The following LIMA1 variants were observed in gnomAD, a reference collection of about 807,000 sequenced individuals.
LIMA1 encodes LIM domain and actin binding 1, also known as LIM domain and actin-binding protein 1.
In LIMA1, 52 loss-of-function variants were observed where a neutral mutation model predicts 62.6. The observed-to-expected ratio is 0.83, with a 90% confidence interval of 0.67 to 1.05. The LOEUF is 1.05. Among genes scored for constraint, LIMA1 ranks in the 50% least tolerant of loss-of-function variants. LIMA1 has a pLI of 0.00. For synonymous variants in LIMA1, 302 were observed against 317.8 expected (o/e 0.95, Z 0.53); for missense variants, 780 against 902.2 (o/e 0.86, Z 1.74).
At position 50,222,389 on chromosome 12, in the gene LIMA1, C is replaced by G. The variant is rs1941459702; in HGVS notation, c.262G>C (p.Asp88His). 1.2e-6 allele frequency: 2 copies of G among 1,614,148 alleles called. No homozygotes were observed. The highest frequency in any genetic ancestry group is 4.5e-5 in the East Asian group (2 of 44,890). Residue 88 changes from aspartate (D) to histidine (H), a missense_variant, in exon 4 of 11, where the codon GAC (aspartate) becomes CAC (histidine). Asp to His is a moderately conservative substitution (Grantham distance 81, BLOSUM62 -1). Coordinates refer to ENST00000341247, the MANE Select transcript of LIMA1 (RefSeq NM_016357.5). ...TCAGTGCTGCTGTTCCGTAGAGAGT[C>G]TGTGTGAGACTCTGCTCCCAGCCCT... ...NPGLGAESHT[D>H]SLRNSSTEIR...
intron 3 of LIMA1, among the ~76,000 whole-genome samples, chr12:50,225,543 A>G (rs544753517): frequency 9.9e-5 from 15 of 152,244 alleles, no homozygotes; most frequent in African/African-American, 3.4e-4. Context: ...ATGCCCATAC[A>G]TGAAATCTTC....
chr12:50,275,839 G>T (rs1565866895), intron 1 of LIMA1, among the ~76,000 whole-genome samples: 2 of 152,138 alleles, frequency 1.3e-5, no homozygotes, highest in Non-Finnish European at 2.9e-5. Context: ...CAGAGTGGGG[G>T]TGTGGGTGTC....
intron 9 of LIMA1, chr12:50,185,619 C>T (rs1017120202): frequency 7.7e-6 from 3 of 390,150 alleles, no homozygotes; most frequent in Non-Finnish European, 1.5e-5. Flanking sequence ...CAGCCTCACT[C>T]GTATCTACCT....
intron 2 of LIMA1, among the ~76,000 whole-genome samples, chr12:50,242,635 T>C (rs895466333): frequency 1.3e-5 from 2 of 152,242 alleles, no homozygotes; most frequent in Admixed American, 1.3e-4. Flanking sequence ...TCATAATTGC[T>C]AATCCTCAAG....
chr12:50,180,024 G>A (rs938436535), intron 10 of LIMA1, among the ~76,000 whole-genome samples: 1 of 151,522 alleles, frequency 6.6e-6, no homozygotes, highest in African/African-American at 2.4e-5. Flanking sequence ...AAATTGGCCA[G>A]GCGTGGTTGC....
At chr12:50,276,808 T>C (rs766756703) in intron 1 of LIMA1, among the ~76,000 whole-genome samples, 25 of 151,510 alleles carry the variant, frequency 1.7e-4, no homozygotes, top group Non-Finnish European at 3.2e-4. Flanking sequence ...AGGAGGAGGC[T>C]AGAGTGAGCC....
At chr12:50,183,057 G>C (rs949673103) in intron 9 of LIMA1, among the ~76,000 whole-genome samples, 1 of 151,848 alleles carries the variant, frequency 6.6e-6, no homozygotes, top group African/African-American at 2.4e-5. Context: ...CAAAAATTAG[G>C]CAGGCGTAGT....
chr12:50,179,516 C>T (rs1270144086), intron 10 of LIMA1, among the ~76,000 whole-genome samples: 1 of 151,112 alleles, frequency 6.6e-6, no homozygotes, highest in East Asian at 2.0e-4. Context: ...CAGCTCACTG[C>T]AAGCTCCGCC....
Position 50,204,608 on chromosome 12 carries a change from G to C in LIMA1, c.808C>G (p.Arg270Gly), listed in dbSNP as rs767754461. Residue 270 changes from arginine to glycine, a missense_variant, in exon 6 of 11, where the codon CGA becomes GGA. Transcript: ENST00000341247. ...ACAGCTGCCTGGTACTTGGCCATTC[G>C]ATCCTTTATAGAGGTTTCTGAGAGG... ...PRLSETSIKD[R>G]MAKYQAAVSK... 6.2e-7 allele frequency: 1 copy of C among 1,614,012 alleles called. No individual in the cohort carries two copies. The highest frequency in any genetic ancestry group is 1.3e-5 in the African/African-American group (1 of 74,914).
At chr12:50,218,242 A>T (rs1176755928) in intron 4 of LIMA1, 1 of 152,932 alleles carries the variant, frequency 6.5e-6, no homozygotes, top group Non-Finnish European at 1.5e-5. Flanking sequence ...CATTGGGCAC[A>T]CAATGGGCAC....
Position 50,176,840 on chromosome 12 carries a change from T to A in LIMA1, c.*224A>T, listed in dbSNP as rs1229859814. The A allele has an allele frequency of 1.3e-5, 6 of 465,724 alleles. No homozygotes were observed. The highest frequency in any genetic ancestry group is 2.3e-5 in the Non-Finnish European group (6 of 266,248). 28.8% of individuals were successfully genotyped at this position (465,724 alleles called of 1,614,324 possible). A position where few individuals can be genotyped will look rare whatever the true frequency, so the allele number is the denominator to read the frequency against. On this transcript the variant is annotated 3_prime_UTR_variant, in exon 11 of 11. Transcript: ENST00000341247. Reference sequence around the variant, plus strand: ...TTACAGCACTTATGCATATCATCACTGCTAAAATGAAGAATTTAAGTAAAG... The same window carrying A: ...TTACAGCACTTATGCATATCATCACAGCTAAAATGAAGAATTTAAGTAAAG...
At chr12:50,200,958 G>T in intron 6 of LIMA1, 74 bp from the exon 7 acceptor site, 1 of 1,553,942 alleles carries the variant, frequency 6.4e-7, no homozygotes. Context: ...ACATCTATTA[G>T]ATAAACTTGG....
Position 50,177,897 on chromosome 12 carries a change from T to C in LIMA1, c.1447A>G (p.Asn483Asp). 1 of 1,613,880 alleles carries C rather than the reference T, an allele frequency of 6.2e-7. No homozygotes were observed. The highest frequency in any genetic ancestry group is 1.3e-5 in the African/African-American group (1 of 75,042). ...EILERPAQLA[N>D]ARETPHSPGV... is the part of the protein sequence containing the mutation. ...GGGCTGTGAGGGGTCTCCCTTGCATTTGCAAGCTGGGCTGGTCTCTCCAAA... is the reference window on the plus strand; with the variant it reads ...GGGCTGTGAGGGGTCTCCCTTGCATCTGCAAGCTGGGCTGGTCTCTCCAAA... Residue 483 changes from asparagine to aspartate, a missense_variant, in exon 11 of 11, where the codon AAT becomes GAT. Coordinates refer to ENST00000341247, the MANE Select transcript of LIMA1 (RefSeq NM_016357.5).
intron 6 of LIMA1, 185 bp downstream of exon 6, chr12:50,204,367 A>C (rs1332541976): frequency 1.7e-6 from 1 of 584,274 alleles, no homozygotes; most frequent in Non-Finnish European, 2.7e-6. Context: ...CTAAGAAAGC[A>C]AAGTCAGGAT....
chr12:50,201,388 A>G (rs1941047451), intron 6 of LIMA1: 1 of 983,688 alleles, frequency 1.0e-6, no homozygotes, highest in African/African-American at 1.7e-5. Flanking sequence ...ATGATACCAT[A>G]AAGAAACCTT....
At chr12:50,226,723 T>C (rs1316309427) in intron 3 of LIMA1, among the ~76,000 whole-genome samples, 2 of 151,440 alleles carry the variant, frequency 1.3e-5, no homozygotes, top group Non-Finnish European at 2.9e-5. Flanking sequence ...CCTGTAATCC[T>C]AGCTACTCGG....
chr12:50,249,287 C>T (rs546304455), intron 1 of LIMA1, among the ~76,000 whole-genome samples: 12 of 152,208 alleles, frequency 7.9e-5, no homozygotes, highest in African/African-American at 2.2e-4. Context: ...AGACAGACTT[C>T]GGGGAAATCC....
chr12:50,225,367 C>T (rs76144672), intron 3 of LIMA1, among the ~76,000 whole-genome samples: 12 of 152,140 alleles, frequency 7.9e-5, no homozygotes, highest in Non-Finnish European at 1.8e-4. Flanking sequence ...CTACTTGACT[C>T]CCCACCTCTC....
chr12:50,251,686 C>T (rs1446216552), intron 1 of LIMA1, among the ~76,000 whole-genome samples: 1 of 150,218 alleles, frequency 6.7e-6, no homozygotes, highest in Non-Finnish European at 1.5e-5. Context: ...ATTTGAGATA[C>T]CGAGCACGAT....
Sources: allele counts gnomAD v4.1 joint callset (sites outside exome capture counted in the v4.1 genomes callset), GRCh38; gene constraint gnomAD v4.1.1; transcripts MANE v1.5; gene names NCBI Gene and HGNC (gene_info 2026-07-23, HGNC 2026-07-21).